The following POMC variants were observed in gnomAD, a reference collection of about 807,000 sequenced individuals.
POMC encodes the protein pro-opiomelanocortin.
Under a neutral mutation model 18.5 loss-of-function variants are expected in POMC, and 19 were observed. The observed-to-expected ratio is 1.03, with a 90% confidence interval of 0.72 to 1.51. The LOEUF is 1.51. POMC is among the 40% of genes most tolerant of loss of function. The pLI is 0.00. For missense variants in POMC, 451 were observed against 379.0 expected (o/e 1.19, Z -1.58); for synonymous variants, 179 against 161.9 (o/e 1.11, Z -0.80).
Position 25,161,600 on chromosome 2 carries a change from G to C in POMC, c.285C>G (p.Ser95Arg). ...GCTTCTGCCCTGCGCCGCTGCTGCC[G>C]CTGCTGCTGCTGTTGCGGCGGCCGA... ...DRFGRRNSSS[S>R]GSSGAGQKRE... is the part of the protein sequence containing the mutation. The change falls in exon 3 of 3, where the codon AGC becomes AGG. Residue 95 changes from serine (S) to arginine (R), a missense_variant. By Grantham distance (110) the Ser-to-Arg change is moderately radical (BLOSUM62 -1). Coordinates refer to ENST00000395826, the MANE Select transcript of POMC (RefSeq NM_000939.4). The surrounding 1 kb of genome is among the most constrained non-coding windows in gnomAD (Gnocchi z 5.7). The C allele has an allele frequency of 4.5e-6, 7 of 1,555,128 alleles. No homozygotes were observed. Among genetic ancestry groups the C allele is most frequent in the Non-Finnish European group, 6.1e-6 (7 of 1,149,556 alleles).
chr2:25,165,659 G>C (rs1230190598), intron 1 of POMC: 1 of 152,220 alleles, frequency 6.6e-6, no homozygotes, highest in African/African-American at 2.4e-5. Context: ...AGCCACTGCA[G>C]ATACTTTTGG....
At chr2:25,162,138 G>A (rs1671414879) in intron 2 of POMC, among the ~76,000 whole-genome samples, 1 of 152,156 alleles carries the variant, frequency 6.6e-6, no homozygotes, top group African/African-American at 2.4e-5. Flanking sequence ...CAGACGGGTG[G>A]TAGTTGTTGG....
intron 2 of POMC, among the ~76,000 whole-genome samples, chr2:25,163,119 A>G (rs540715003): frequency 5.3e-5 from 8 of 152,334 alleles, no homozygotes; most frequent in African/African-American, 1.9e-4. Context: ...AGCAAAGGAG[A>G]AAATAAAAGG....
rs1671636650 is a variant in POMC, at chr2:25,168,483, A to T, written c.-21+15T>A. ...CCCGGGGAAAGAGCACGGGTCCCCCACGCTGCGCCCTTACCTGTCTCGGGA... is the reference window on the plus strand; with the variant it reads ...CCCGGGGAAAGAGCACGGGTCCCCCTCGCTGCGCCCTTACCTGTCTCGGGA... On this transcript the variant is annotated intron_variant, in intron 1 of 2. Transcript: ENST00000395826. The surrounding 1 kb of genome is among the most constrained non-coding windows in gnomAD (Gnocchi z 5.2). 6.6e-6 allele frequency: 1 copy of T among 152,142 alleles called. No homozygotes were observed. The allele number at this position is 152,142 out of a possible 1,614,324, so 9.4% of individuals were successfully genotyped here.
rs1671388821 is a variant in POMC, at chr2:25,161,680, G to C, written c.205C>G (p.Pro69Ala). 3 of 1,572,074 alleles carry C rather than the reference G, an allele frequency of 1.9e-6. No homozygotes were observed. Among genetic ancestry groups the C allele is most frequent in the African/African-American group, 1.4e-5 (1 of 73,438 alleles). ...TACTTCCGGGGGTTCTCGGTCAGAGGCTGCTCGTCGCCATTTCCCGGGAAC... is the reference window on the plus strand; with the variant it reads ...TACTTCCGGGGGTTCTCGGTCAGAGCCTGCTCGTCGCCATTTCCCGGGAAC... ...PMFPGNGDEQ[P>A]LTENPRKYVM... Residue 69 changes from proline (P) to alanine (A), a missense_variant, in exon 3 of 3, where the codon CCT becomes GCT. Transcript: ENST00000395826. The surrounding 1 kb of genome is among the most constrained non-coding windows in gnomAD (Gnocchi z 5.7).
intron 1 of POMC, among the ~76,000 whole-genome samples, chr2:25,167,379 T>A (rs1671592226): frequency 6.6e-6 from 1 of 152,202 alleles, no homozygotes; most frequent in Non-Finnish European, 1.5e-5. Flanking sequence ...ATTTGGGGAA[T>A]CCAAATGCCA....
Position 25,161,449 on chromosome 2 carries a change from A to T in POMC, c.436T>A (p.Trp146Arg). The change falls in exon 3 of 3, where the codon TGG (tryptophan) becomes AGG (arginine). Residue 146 changes from tryptophan (W) to arginine (R), a missense_variant. By Grantham distance (101) the Trp-to-Arg change is moderately radical (BLOSUM62 -3). Transcript: ENST00000395826. The surrounding 1 kb of genome is among the most constrained non-coding windows in gnomAD (Gnocchi z 5.7). ...KRSYSMEHFR[W>R]GKPVGKKRRP... Reference sequence around the variant, plus strand: ...CGCTTCTTGCCCACCGGCTTGCCCCAGCGGAAGTGCTCCATGGAGTAGGAG... The same window carrying T: ...CGCTTCTTGCCCACCGGCTTGCCCCTGCGGAAGTGCTCCATGGAGTAGGAG... The T allele has an allele frequency of 6.2e-7, 1 of 1,610,166 alleles. No individual in the cohort carries two copies.
Position 25,161,259 on chromosome 2 carries a change from A to T in POMC, c.626T>A (p.Leu209Gln), listed in dbSNP as rs758614198. ...AGAQADLEHS[L>Q]LVAAEKKDEG... is the part of the protein sequence containing the mutation. ...GTCCTTCTTCTCGGCCGCCACCAGC[A>T]GGCTGTGCTCCAGGTCGGCCTGGGC... Residue 209 changes from leucine to glutamine, a missense_variant, in exon 3 of 3, where the codon CTG becomes CAG. Coordinates refer to ENST00000395826, the MANE Select transcript of POMC (RefSeq NM_000939.4). This position sits in a 1 kb window ranked among gnomAD's most constrained non-coding sequence, Gnocchi z 5.7. 2 of 1,611,838 alleles carry T rather than the reference A, an allele frequency of 1.2e-6. No individual in the cohort carries two copies. The highest frequency in any genetic ancestry group is 4.5e-5 in the East Asian group (2 of 44,792).
At chr2:25,164,887 AC>A (rs1671506059) in intron 1 of POMC, 95 bp from the exon 2 acceptor site, 1 of 1,370,146 alleles carries the variant, frequency 7.3e-7, no homozygotes, top group East Asian at 2.4e-5. Flanking sequence ...TTAACAACAC[AC>A]TCTCTTGTGG....
intron 1 of POMC, among the ~76,000 whole-genome samples, chr2:25,167,267 A>C (rs1017274583): frequency 8.5e-5 from 13 of 152,218 alleles, no homozygotes; most frequent in Non-Finnish European, 1.5e-5. Flanking sequence ...CAGAGTTTAT[A>C]AACTGACACA....
chr2:25,166,246 G>C (rs1256494202), intron 1 of POMC, among the ~76,000 whole-genome samples: 1 of 152,246 alleles, frequency 6.6e-6, no homozygotes, highest in Non-Finnish European at 1.5e-5. Flanking sequence ...CTGGCAGCCA[G>C]TGACTGGCCC....
Position 25,161,890 on chromosome 2 carries a change from C to T in POMC, c.133-138G>A, listed in dbSNP as rs1671404382. ...AGGGCACAGTGTCGGGCGTGTCAAG[C>T]GTCGAGGCCTCCCTACAGAGCAGGT... On this transcript the variant is annotated intron_variant, in intron 2 of 2. Coordinates refer to ENST00000395826, the MANE Select transcript of POMC (RefSeq NM_000939.4). The surrounding 1 kb of genome is among the most constrained non-coding windows in gnomAD (Gnocchi z 5.7). The T allele has an allele frequency of 3.6e-6, 5 of 1,393,250 alleles. No homozygotes were observed. The highest frequency in any genetic ancestry group is 2.6e-5 in the East Asian group (1 of 38,574). 86.3% of individuals were successfully genotyped at this position (1,393,250 alleles called of 1,614,324 possible).
At chr2:25,163,534 G>T (rs1671460123) in intron 2 of POMC, among the ~76,000 whole-genome samples, 1 of 152,208 alleles carries the variant, frequency 6.6e-6, no homozygotes, top group Non-Finnish European at 1.5e-5. Context: ...TACACAGAAT[G>T]TAGTTATGTA....
Position 25,161,401 on chromosome 2 carries a change from T to C in POMC, c.484A>G (p.Asn162Asp). ...KKRRPVKVYP[N>D]GAEDESAEAF... is the part of the protein sequence containing the mutation. Reference sequence around the variant, plus strand: ...TCGGCCGACTCGTCCTCGGCGCCGTTAGGGTACACCTTCACTGGGCGCCGC... The same window carrying C: ...TCGGCCGACTCGTCCTCGGCGCCGTCAGGGTACACCTTCACTGGGCGCCGC... The change falls in exon 3 of 3, where the codon AAC (asparagine) becomes GAC (aspartate). Residue 162 changes from asparagine (N) to aspartate (D), a missense_variant. Transcript: ENST00000395826. The surrounding 1 kb of genome is among the most constrained non-coding windows in gnomAD (Gnocchi z 5.7). 1.9e-6 allele frequency: 3 copies of C among 1,609,520 alleles called. No homozygotes were observed. Among genetic ancestry groups the C allele is most frequent in the Non-Finnish European group, 2.5e-6 (3 of 1,178,630 alleles).
intron 2 of POMC, among the ~76,000 whole-genome samples, chr2:25,162,724 TAAACAAA>T (rs1671434481): frequency 6.6e-6 from 1 of 152,060 alleles, no homozygotes; most frequent in Non-Finnish European, 1.5e-5. Flanking sequence ...AATAAATAAA[TAAACAAA>T]AAATAAAAAA....
intron 2 of POMC, among the ~76,000 whole-genome samples, chr2:25,163,597 C>T (rs1288731504): frequency 6.6e-6 from 1 of 152,202 alleles, no homozygotes; most frequent in East Asian, 1.9e-4. Flanking sequence ...AAATTCCGGT[C>T]ACTGACACTA....
Position 25,161,686 on chromosome 2 carries a change from C to T in POMC, c.199G>A (p.Glu67Lys), listed in dbSNP as rs1477692170. ...ETPMFPGNGDEQPLTENPRKY... is the reference protein window; with the variant it reads ...ETPMFPGNGDKQPLTENPRKY... ...CGGGGGTTCTCGGTCAGAGGCTGCT[C>T]GTCGCCATTTCCCGGGAACATGGGA... Residue 67 changes from glutamate to lysine, a missense_variant, in exon 3 of 3, where the codon GAG becomes AAG. Glu to Lys is a moderately conservative substitution (Grantham distance 56). Coordinates refer to ENST00000395826, the MANE Select transcript of POMC (RefSeq NM_000939.4). This position sits in a 1 kb window ranked among gnomAD's most constrained non-coding sequence, Gnocchi z 5.7. 1.3e-6 allele frequency: 2 copies of T among 1,577,086 alleles called. No homozygotes were observed. Among genetic ancestry groups the T allele is most frequent in the Non-Finnish European group, 1.7e-6 (2 of 1,162,596 alleles).
At chr2:25,166,095 G>T (rs1303900553) in intron 1 of POMC, among the ~76,000 whole-genome samples, 1 of 152,188 alleles carries the variant, frequency 6.6e-6, no homozygotes, top group Non-Finnish European at 1.5e-5. Context: ...CCTCTGAAGC[G>T]CTGATTTCTA....
rs1671629456 is a variant in POMC, at chr2:25,168,356, A to C, written c.-21+142T>G. On this transcript the variant is annotated intron_variant, in intron 1 of 2. Transcript: ENST00000395826. The surrounding 1 kb of genome is among the most constrained non-coding windows in gnomAD (Gnocchi z 5.2). ...GCTTCTCATGCCGCAGTCGGCGCAGAAAGTTTGTCGAGAACTCGGGACCGC... is the reference window on the plus strand; with the variant it reads ...GCTTCTCATGCCGCAGTCGGCGCAGCAAGTTTGTCGAGAACTCGGGACCGC... The C allele has an allele frequency of 6.6e-6, 1 of 152,198 alleles. No homozygotes were observed. Among genetic ancestry groups the C allele is most frequent in the Non-Finnish European group, 1.5e-5 (1 of 68,066 alleles). The allele number at this position is 152,198 out of a possible 1,614,324, so 9.4% of individuals were successfully genotyped here.
Sources: allele counts gnomAD v4.1 joint callset (sites outside exome capture counted in the v4.1 genomes callset), GRCh38; gene constraint gnomAD v4.1.1; non-coding constraint Gnocchi (gnomAD v3.1); transcripts MANE v1.5; gene names NCBI Gene and HGNC (gene_info 2026-07-23, HGNC 2026-07-21).